Variants in FUT8 observed in about 807,000 individuals in gnomAD.
FUT8 encodes the protein fucosyltransferase 8.
A neutral mutation model predicts 71.3 loss-of-function variants in FUT8; 29 were observed. The ratio of observed to expected loss-of-function variants is 0.41; its 90% confidence interval spans 0.30 to 0.55. FUT8 has a LOEUF of 0.55. Among genes scored for constraint, FUT8 ranks in the 20% least tolerant of loss-of-function variants. The pLI is 0.34. For missense variants in FUT8, 544 were observed against 702.1 expected, an observed-to-expected ratio of 0.77 and a Z score of 2.55; for synonymous variants, 254 against 239.3, an observed-to-expected ratio of 1.06 and a Z score of -0.57.
At chr14:65,468,269 G>C in intron 2 of FUT8, 1 of 623,382 alleles carries the variant, frequency 1.6e-6, no homozygotes, top group Non-Finnish European at 3.0e-6. Context: ...GTGGCCAAAG[G>C]AACAACTCCA....
At chr14:65,671,966 A>C (rs1011224748) in intron 7 of FUT8, among the ~76,000 whole-genome samples, 1 of 152,196 alleles carries the variant, frequency 6.6e-6, no homozygotes, top group African/African-American at 2.4e-5. Context: ...ATTACTGTGA[A>C]ATTATTATTG....
At chr14:65,451,068 G>T (rs563674799) in intron 1 of FUT8, among the ~76,000 whole-genome samples, 1 of 152,266 alleles carries the variant, frequency 6.6e-6, no homozygotes, top group East Asian at 1.9e-4. Context: ...GTGTTAGCCA[G>T]GATGGTCTTG....
intron 2 of FUT8, among the ~76,000 whole-genome samples, chr14:65,532,661 G>T (rs1420416718): frequency 1.3e-5 from 2 of 152,024 alleles, no homozygotes; most frequent in African/African-American, 4.8e-5. Flanking sequence ...CCATTTGTCA[G>T]TTTTTGCTTT....
intron 9 of FUT8, among the ~76,000 whole-genome samples, chr14:65,727,173 A>G (rs1048266861): frequency 2.6e-5 from 4 of 151,980 alleles, no homozygotes; most frequent in African/African-American, 9.7e-5. Context: ...CTGTTGGTGG[A>G]TGTACCATTC....
At chr14:65,608,156 T>C (rs1283232779) in intron 3 of FUT8, among the ~76,000 whole-genome samples, 4 of 151,826 alleles carry the variant, frequency 2.6e-5, no homozygotes, top group Non-Finnish European at 2.9e-5. Context: ...ATTGAGTTCA[T>C]TTTGTAGTTT....
At chr14:65,360,812 G>A in the FUT8 span, among the ~76,000 whole-genome samples, 2 of 152,160 alleles carry the variant, frequency 1.3e-5, no homozygotes, top group East Asian at 1.9e-4. Flanking sequence ...AAAGTCAGGT[G>A]TGGAAATGGG....
At chr14:65,420,260 G>T (rs1263398749) in intron 1 of FUT8, among the ~76,000 whole-genome samples, 2 of 151,710 alleles carry the variant, frequency 1.3e-5, no homozygotes, top group African/African-American at 2.4e-5. Flanking sequence ...ACAAAGAAAA[G>T]AACACATCCT....
chr14:65,742,752 A>G lies in FUT8; in HGVS notation c.*342A>G. The G allele has an allele frequency of 4.7e-6, 1 of 215,030 alleles. No homozygotes were observed. The highest frequency in any genetic ancestry group is 9.7e-5 in the South Asian group (1 of 10,262). 13.3% of individuals were successfully genotyped at this position (215,030 alleles called of 1,614,324 possible). ...AAGTGACACAGACATTTTGTGTGAG[A>G]CTTAAAACATGGTGCCTATATCTGA... On this transcript the variant is annotated 3_prime_UTR_variant, in exon 11 of 11. Transcript: ENST00000673929.
intron 3 of FUT8, among the ~76,000 whole-genome samples, chr14:65,579,458 C>A (rs1331832720): frequency 1.4e-4 from 21 of 151,976 alleles, no homozygotes; most frequent in Admixed American, 1.4e-3. Flanking sequence ...CATATAGAGA[C>A]CTTGTTTAAT....
At chr14:65,736,925 T>C (rs931661229) in intron 10 of FUT8, among the ~76,000 whole-genome samples, 4 of 152,212 alleles carry the variant, frequency 2.6e-5, no homozygotes, top group East Asian at 3.9e-4. Context: ...CTATACACTA[T>C]CCTTTCAGGA....
chr14:65,573,578 T>C (rs930349518), intron 3 of FUT8, among the ~76,000 whole-genome samples: 3 of 151,832 alleles, frequency 2.0e-5, no homozygotes, highest in Non-Finnish European at 2.9e-5. Context: ...GGGGTCCACG[T>C]TGGATGCAGT....
rs530490125 is a variant in FUT8 at position 65,691,454 on chromosome 14, C to A, written c.835+21974C>A. Among the ~76,000 whole-genome samples, 3 of 151,664 alleles carry A rather than the reference C, an allele frequency of 2.0e-5. No individual in the cohort carries two copies. In the South Asian group the frequency reaches 6.2e-4, roughly 31 times the overall value. On this transcript the variant is annotated intron_variant, in intron 7 of 10. Coordinates refer to ENST00000673929, the MANE Select transcript of FUT8 (RefSeq NM_001371533.1). Reference sequence around the variant, plus strand: ...ATGAATAGGTGTTGGATTTGGTGGACTACTTTTCTTGCATCTATTGATATT... The same window carrying A: ...ATGAATAGGTGTTGGATTTGGTGGAATACTTTTCTTGCATCTATTGATATT...
intron 2 of FUT8, among the ~76,000 whole-genome samples, chr14:65,546,469 G>A (rs1273382387): frequency 6.6e-6 from 1 of 151,622 alleles, no homozygotes; most frequent in African/African-American, 2.4e-5. Flanking sequence ...ATGTTTTTGA[G>A]ATTTAACCAT....
the FUT8 span, among the ~76,000 whole-genome samples, chr14:65,387,275 C>T: frequency 6.6e-6 from 1 of 152,184 alleles, no homozygotes; most frequent in African/African-American, 2.4e-5. Context: ...AACTTTTAGT[C>T]TAAGGCTAAT....
At chr14:65,733,897 A>T (rs994354132) in intron 10 of FUT8, among the ~76,000 whole-genome samples, 4 of 152,194 alleles carry the variant, frequency 2.6e-5, no homozygotes, top group Admixed American at 2.6e-4. Context: ...TTTAAGCAAT[A>T]TAATATCACA....
chr14:65,621,907 C>G (rs552703441), intron 5 of FUT8, among the ~76,000 whole-genome samples: 5 of 152,120 alleles, frequency 3.3e-5, no homozygotes, highest in Admixed American at 3.3e-4. Flanking sequence ...TCACTGCAAC[C>G]TCCGCCTCCC....
chr14:65,389,852 T>C, the FUT8 span, among the ~76,000 whole-genome samples: 1 of 151,398 alleles, frequency 6.6e-6, no homozygotes, highest in Admixed American at 6.6e-5. Context: ...TAATAGTATA[T>C]ACATACTATA....
At chr14:65,443,300 C>T (rs918876918) in intron 1 of FUT8, among the ~76,000 whole-genome samples, 9 of 151,746 alleles carry the variant, frequency 5.9e-5, no homozygotes, top group African/African-American at 4.8e-5. Context: ...GTCCCAGCTA[C>T]TTGGGAGGCT....
intron 1 of FUT8, among the ~76,000 whole-genome samples, chr14:65,445,156 A>G (rs1566751699): frequency 6.6e-6 from 1 of 152,162 alleles, no homozygotes; most frequent in Non-Finnish European, 1.5e-5. Flanking sequence ...CAGTGAGCCG[A>G]GATCACGCCA....
Sources: gnomAD v4.1 joint callset for allele counts (sites outside exome capture counted in the v4.1 genomes callset) on GRCh38, gnomAD v4.1.1 for gene constraint, MANE v1.5 for transcripts, NCBI Gene and HGNC (gene_info 2026-07-23, HGNC 2026-07-21) for gene names.